ADGRD1: variants seen among roughly 807,000 people sequenced by gnomAD.
ADGRD1 encodes adhesion G protein-coupled receptor D1, also known as G-protein coupled receptor 133.
A neutral mutation model predicts 113.4 loss-of-function variants in ADGRD1; 77 were observed. That is an observed-to-expected ratio of 0.68 (90% confidence interval 0.57 to 0.82). The LOEUF (loss-of-function observed/expected upper bound fraction) is 0.82, where lower values mean the gene tolerates loss of function less well. Ranked by LOEUF, ADGRD1 falls within the 40% of genes least tolerant of loss-of-function variation. ADGRD1 has a pLI of 0.00. For missense variants in ADGRD1, 1,036 were observed against 1,139.1 expected, an observed-to-expected ratio of 0.91 and a Z score of 1.30; for synonymous variants, 474 against 475.0, an observed-to-expected ratio of 1.00 and a Z score of 0.03.
chr12:131,079,224 G>T (rs1050687217), intron 14 of ADGRD1, among the ~76,000 whole-genome samples: 1 of 152,136 alleles, frequency 6.6e-6, no homozygotes, highest in African/African-American at 2.4e-5. Context: ...GGGGTATTCC[G>T]TTACATGGAT....
At position 131,050,218 on chromosome 12, in the gene ADGRD1, G is replaced by GTCA. The variant is rs3072393; in HGVS notation, c.1474-26564_1474-26562dup. Reference sequence around the variant, plus strand: ...TCAAGTTGAAATCACCATCGTCATCGTCATCATCATCATCATCATCAATGA... The same window carrying GTCA: ...TCAAGTTGAAATCACCATCGTCATCGTCATCATCATCATCATCATCATCAATGA... On this transcript the variant is annotated intron_variant, in intron 13 of 24. Transcript: ENST00000261654. The surrounding 1 kb of genome is among the most constrained non-coding windows in gnomAD (Gnocchi z 4.8). 0.53 allele frequency among the ~76,000 whole-genome samples: 80,406 copies of GTCA among 150,826 alleles called. 24,582 individuals carry two copies. The highest frequency in any genetic ancestry group is 0.9 in the East Asian group (4,537 of 5,042).
At chr12:130,968,579 T>A (rs1871272326) in intron 3 of ADGRD1, 1 of 177,418 alleles carries the variant, frequency 5.6e-6, no homozygotes, top group African/African-American at 2.4e-5. Context: ...GTCATTTTCA[T>A]GCAGAGTGTC....
At chr12:131,007,369 A>T (rs888548425) in intron 12 of ADGRD1, among the ~76,000 whole-genome samples, 6 of 152,252 alleles carry the variant, frequency 3.9e-5, no homozygotes, top group Non-Finnish European at 8.8e-5. Flanking sequence ...CTTTATTTAC[A>T]AAACCAGGCG....
chr12:131,019,215 C>T (rs567191609), intron 13 of ADGRD1, among the ~76,000 whole-genome samples: 1 of 152,360 alleles, frequency 6.6e-6, no homozygotes, highest in Non-Finnish European at 1.5e-5. Context: ...CCTCTGGCCA[C>T]TGTCCCACCC....
intron 13 of ADGRD1, among the ~76,000 whole-genome samples, chr12:131,028,380 T>C (rs1880224761): frequency 6.6e-6 from 1 of 152,200 alleles, no homozygotes; most frequent in African/African-American, 2.4e-5. Context: ...ATTGCAAATA[T>C]CTCTTACACG....
chr12:131,121,842 C>T (rs573257761), intron 20 of ADGRD1: 11 of 152,620 alleles, frequency 7.2e-5, no homozygotes, highest in Admixed American at 5.2e-4. Flanking sequence ...CCAGCACTCC[C>T]ATCGCAAGTC....
chr12:131,061,535 A>G (rs559200224), intron 13 of ADGRD1, among the ~76,000 whole-genome samples: 77 of 152,274 alleles, frequency 5.1e-4, no homozygotes, highest in African/African-American at 1.8e-3. Flanking sequence ...TTAAACTTCT[A>G]TTTTGGAATA....
chr12:131,105,924 C>G (rs747759180), intron 17 of ADGRD1, 59 bp downstream of exon 17: 4 of 1,216,670 alleles, frequency 3.3e-6, no homozygotes, highest in Admixed American at 1.9e-5. Context: ...TCGGATGTCA[C>G]CGGGTGGCAC....
rs111431453 is a variant in ADGRD1 at position 130,986,402 on chromosome 12, T to C, written c.491-693T>C. 9.6e-3 allele frequency among the ~76,000 whole-genome samples: 1,463 copies of C among 152,298 alleles called. 25 individuals are homozygous for C. The highest frequency in any genetic ancestry group is 0.033 in the African/African-American group (1,351 of 41,566). On this transcript the variant is annotated intron_variant, in intron 5 of 24. Coordinates refer to ENST00000261654, the MANE Select transcript of ADGRD1 (RefSeq NM_198827.5). ...AATATATGTATTTCTTTTTCCTTTT[T>C]TGGCACCAATGACAATGGTAATGTG...
In ADGRD1 at chr12:131,011,627, A is replaced by T. The variant is rs1177305232; in HGVS notation, c.1332-2572A>T. Among the ~76,000 whole-genome samples the T allele has an allele frequency of 3.3e-5, 5 of 152,300 alleles. No homozygotes were observed. The East Asian group carries it at 9.7e-4, about 30-fold the overall frequency. On this transcript the variant is annotated intron_variant, in intron 12 of 24. Transcript: ENST00000261654. ...GATGACCACCGGTTGCACCATCAGGAAATGTCCACGGAGGGAAAGTCAAGG... is the reference window on the plus strand; with the variant it reads ...GATGACCACCGGTTGCACCATCAGGTAATGTCCACGGAGGGAAAGTCAAGG...
intron 20 of ADGRD1, among the ~76,000 whole-genome samples, chr12:131,128,434 T>C (rs1281702600): frequency 6.6e-6 from 1 of 152,112 alleles, no homozygotes; most frequent in Non-Finnish European, 1.5e-5. Context: ...CATGGCTGAG[T>C]TTCTATTCCA....
chr12:130,997,103 A>C (rs1190144232), intron 8 of ADGRD1, among the ~76,000 whole-genome samples: 1 of 94,770 alleles, frequency 1.1e-5, no homozygotes, highest in African/African-American at 4.1e-5. Context: ...GGCACCCCTC[A>C]CCTCCTGGAC....
At chr12:131,094,473 G>A (rs907500694) in intron 15 of ADGRD1, among the ~76,000 whole-genome samples, 2 of 152,148 alleles carry the variant, frequency 1.3e-5, no homozygotes, top group Non-Finnish European at 2.9e-5. Flanking sequence ...AGGCTGGAGG[G>A]GCTCCAAGGA....
intron 18 of ADGRD1, among the ~76,000 whole-genome samples, chr12:131,110,911 T>G (rs974859081): frequency 2.6e-5 from 4 of 152,242 alleles, no homozygotes; most frequent in African/African-American, 4.8e-5. Context: ...TTTTTGCTTT[T>G]CGTTCTTTGA....
intron 4 of ADGRD1, among the ~76,000 whole-genome samples, chr12:130,975,122 A>C (rs1872154005): frequency 6.6e-6 from 1 of 152,142 alleles, no homozygotes; most frequent in Non-Finnish European, 1.5e-5. Flanking sequence ...GGGGAAGCTG[A>C]AAATAGGAAG....
rs528410362 is a variant in ADGRD1, at chr12:131,103,450, C to G, written c.1672-1381C>G. 4.6e-3 allele frequency among the ~76,000 whole-genome samples: 701 copies of G among 152,376 alleles called. 4 individuals are homozygous for G. Among genetic ancestry groups the G allele is most frequent in the Admixed American group, 4.6e-3 (71 of 15,310 alleles). ...GCCCCACGCACCCAGGAATCTAGCACGTCTGTAGCCCCTCGGGCGTGAGCC... is the reference window on the plus strand; with the variant it reads ...GCCCCACGCACCCAGGAATCTAGCAGGTCTGTAGCCCCTCGGGCGTGAGCC... On this transcript the variant is annotated intron_variant, in intron 15 of 24. Transcript: ENST00000261654.
In ADGRD1 at chr12:131,084,575, C is replaced by A. The variant is rs761685448; in HGVS notation, c.1583C>A (p.Ala528Glu). Residue 528 changes from alanine (A) to glutamate (E), a missense_variant, in exon 15 of 25, where the codon GCG (alanine) becomes GAG (glutamate). Physicochemically the swap from Ala to Glu is moderately radical, Grantham distance 107 (BLOSUM62 -1). Transcript: ENST00000261654. The surrounding 1 kb of genome is among the most constrained non-coding windows in gnomAD (Gnocchi z 4.5). ...GEGVWSNHGCALTRGNLTYSV... is the reference protein window; with the variant it reads ...GEGVWSNHGCELTRGNLTYSV... ...GGGGTCTGGTCGAACCACGGCTGTG[C>A]GCTCACGAGAGGAAACCTCACCTAC... 1.2e-6 allele frequency: 2 copies of A among 1,614,080 alleles called. No homozygotes were observed. Among genetic ancestry groups the A allele is most frequent in the Non-Finnish European group, 1.7e-6 (2 of 1,179,980 alleles).
intron 14 of ADGRD1, among the ~76,000 whole-genome samples, chr12:131,077,180 G>A (rs537711792): frequency 3.1e-4 from 47 of 152,324 alleles, no homozygotes; most frequent in African/African-American, 9.9e-4. Context: ...GATGCTGTCC[G>A]TTGGAGCAGG....
chr12:131,125,453 G>A (rs1441009049), intron 20 of ADGRD1, among the ~76,000 whole-genome samples: 2 of 152,154 alleles, frequency 1.3e-5, no homozygotes, highest in Admixed American at 1.3e-4. Flanking sequence ...CTCCCTTGGG[G>A]AGAAGCCAGG....
Sources: allele counts gnomAD v4.1 joint callset (sites outside exome capture counted in the v4.1 genomes callset), GRCh38; gene constraint gnomAD v4.1.1; non-coding constraint Gnocchi (gnomAD v3.1); transcripts MANE v1.5; gene names NCBI Gene and HGNC (gene_info 2026-07-23, HGNC 2026-07-21).